ANKRD17: variants seen among roughly 807,000 people sequenced by gnomAD.
The protein encoded by ANKRD17 is ankyrin repeat domain-containing protein 17.
Under a neutral mutation model 229.7 loss-of-function variants are expected in ANKRD17, and 19 were observed. That is an observed-to-expected ratio of 0.08 (90% CI 0.06 to 0.12). The LOEUF is 0.12. Ranked by LOEUF, ANKRD17 falls within the 10% of genes least tolerant of loss-of-function variation. The pLI is 1.00. For missense variants in ANKRD17, 2,176 were observed against 3,176.8 expected (o/e 0.68, Z 7.57); for synonymous variants, 1,112 against 1,146.1 (o/e 0.97, Z 0.60).
intron 18 of ANKRD17, among the ~76,000 whole-genome samples, chr4:73,123,317 T>C (rs1483813642): frequency 6.6e-6 from 1 of 152,106 alleles, no homozygotes; most frequent in Admixed American, 6.5e-5. Context: ...TTACTTTTTC[T>C]GGAATAGTAG....
chr4:73,153,266 C>A (rs1578205571), intron 6 of ANKRD17, among the ~76,000 whole-genome samples: 2 of 151,692 alleles, frequency 1.3e-5, no homozygotes, highest in Non-Finnish European at 1.5e-5. Flanking sequence ...ACATAAAACA[C>A]AGAAATGAGT....
intron 24 of ANKRD17, among the ~76,000 whole-genome samples, chr4:73,106,681 C>T (rs1264488627): frequency 6.6e-6 from 1 of 151,976 alleles, no homozygotes; most frequent in African/African-American, 2.4e-5. Context: ...GAGATCAAGA[C>T]CATTCTGGCC....
At chr4:73,163,758 G>A (rs1434404730) in intron 2 of ANKRD17, among the ~76,000 whole-genome samples, 1 of 152,130 alleles carries the variant, frequency 6.6e-6, no homozygotes, top group Non-Finnish European at 1.5e-5. Context: ...GTTTCATACA[G>A]GTGGTTATTA....
intron 2 of ANKRD17, among the ~76,000 whole-genome samples, chr4:73,164,072 A>G: frequency 1.3e-5 from 2 of 152,338 alleles, no homozygotes; most frequent in East Asian, 3.9e-4. Context: ...AAGTCATACT[A>G]TATTCTGAAT....
intron 28 of ANKRD17, among the ~76,000 whole-genome samples, chr4:73,093,395 T>TTC (rs1372107885): frequency 1.3e-5 from 2 of 150,698 alleles, no homozygotes; most frequent in Admixed American, 6.6e-5. Flanking sequence ...TTTTTTTTTT[T>TTC]TGAGGGAGTT....
chr4:73,186,235 C>T (rs532604133), intron 1 of ANKRD17, among the ~76,000 whole-genome samples: 2 of 151,938 alleles, frequency 1.3e-5, no homozygotes, highest in East Asian at 1.9e-4. Context: ...AAAATTAATA[C>T]AATTCAAATA....
intron 1 of ANKRD17, among the ~76,000 whole-genome samples, chr4:73,195,706 A>T (rs531522898): frequency 4.4e-4 from 67 of 152,134 alleles, no homozygotes; most frequent in African/African-American, 1.3e-3. Context: ...AGGGGGTTTC[A>T]CCATGTTGGC....
At chr4:73,185,162 C>G (rs1736122986) in intron 1 of ANKRD17, among the ~76,000 whole-genome samples, 1 of 151,656 alleles carries the variant, frequency 6.6e-6, no homozygotes, top group African/African-American at 2.4e-5. Flanking sequence ...CATCCCCCAT[C>G]TGATGTTTTC....
At chr4:73,175,110 G>A (rs546860877) in intron 2 of ANKRD17, among the ~76,000 whole-genome samples, 81 of 152,180 alleles carry the variant, frequency 5.3e-4, no homozygotes, top group African/African-American at 1.7e-3. Flanking sequence ...ATAAATAACC[G>A]AGACAGGGTA....
intron 1 of ANKRD17, among the ~76,000 whole-genome samples, chr4:73,195,050 T>C (rs187194748): frequency 2.1e-4 from 32 of 152,310 alleles, no homozygotes; most frequent in Admixed American, 2.0e-3. Flanking sequence ...CTTATATTCC[T>C]AGTTTGCTAA....
intron 31 of ANKRD17, among the ~76,000 whole-genome samples, chr4:73,077,947 A>G (rs966080499): frequency 6.6e-6 from 1 of 152,230 alleles, no homozygotes; most frequent in African/African-American, 2.4e-5. Flanking sequence ...AGGAATACAG[A>G]TCTTTTAGAA....
chr4:73,239,705 A>T (rs1395255937), intron 1 of ANKRD17, among the ~76,000 whole-genome samples: 1 of 152,154 alleles, frequency 6.6e-6, no homozygotes, highest in East Asian at 1.9e-4. Flanking sequence ...TTAAATTTTC[A>T]GTTCACAGTT....
At position 73,155,779 on chromosome 4, in the gene ANKRD17, CTTA is replaced by C. The variant is rs1323349029; in HGVS notation, c.853-4_853-2del. The C allele has an allele frequency of 6.2e-7, 1 of 1,612,502 alleles. No homozygotes were observed. Among genetic ancestry groups the C allele is most frequent in the Non-Finnish European group, 8.5e-7 (1 of 1,179,346 alleles). On this transcript the variant is annotated splice_acceptor_variant and splice_polypyrimidine_tract_variant and intron_variant, in intron 4 of 33. Transcript: ENST00000358602. LOFTEE classifies it high-confidence loss of function. Reference sequence around the variant, plus strand: ...CATTTGCATGCATTGCCAACAAAACCTTATGAGAGAAAAATAGTTTAAAAAGAT... The same window carrying C: ...CATTTGCATGCATTGCCAACAAAACCTGAGAGAAAAATAGTTTAAAAAGAT...
Position 73,258,430 on chromosome 4 carries a change from C to T in ANKRD17, c.239G>A (p.Cys80Tyr), listed in dbSNP as rs368818756. The part of the protein sequence containing the change: ...QHHKAKRNRT[C>Y]RPPSSSESSS... ...GCTTTCGCTGCTGCTGGGGGGTCGGCAAGTCCGGTTACGCTTGGCCTTGTG... is the reference window on the plus strand; with the variant it reads ...GCTTTCGCTGCTGCTGGGGGGTCGGTAAGTCCGGTTACGCTTGGCCTTGTG... Residue 80 changes from cysteine (C) to tyrosine (Y), a missense_variant, in exon 1 of 34, where the codon TGC (cysteine) becomes TAC (tyrosine). Transcript: ENST00000358602. 1 of 1,610,428 alleles carries T rather than the reference C, an allele frequency of 6.2e-7. No homozygotes were observed. The highest frequency in any genetic ancestry group is 8.5e-7 in the Non-Finnish European group (1 of 1,179,238).
Position 73,076,218 on chromosome 4 carries a change from AAGCTG to A in ANKRD17, c.*8_*12del. The A allele has an allele frequency of 6.2e-7, 1 of 1,601,664 alleles. No individual in the cohort carries two copies. The highest frequency in any genetic ancestry group is 8.5e-7 in the Non-Finnish European group (1 of 1,175,478). ...AATGAAAAGGAATCTGCAGGCTAAC[AAGCTG>A]ATCCTCATCAGCCAAGCTGGTTCAT... On this transcript the variant is annotated 3_prime_UTR_variant, in exon 34 of 34. Transcript: ENST00000358602.
chr4:73,227,744 A>G (rs1346604123), intron 1 of ANKRD17, among the ~76,000 whole-genome samples: 1 of 152,170 alleles, frequency 6.6e-6, no homozygotes, highest in East Asian at 1.9e-4. Context: ...AATCTTCCAA[A>G]ATTGACAATT....
chr4:73,155,746 A>G lies in ANKRD17; in HGVS notation c.885T>C (p.Asp295=). The change falls in exon 5 of 34, where the codon GAT becomes GAC. Residue 295 remains aspartate (D), a synonymous_variant. Coordinates refer to ENST00000358602, the MANE Select transcript of ANKRD17 (RefSeq NM_032217.5). Reference sequence around the variant, plus strand: ...GTGTAATGTCACCTTTGATTCCCCTATCTTCCACATTTGCATGCATTGCCA... The same window carrying G: ...GTGTAATGTCACCTTTGATTCCCCTGTCTTCCACATTTGCATGCATTGCCA... ...VLLAMHANVE[D]RGIKGDITPL... is the part of the protein sequence containing the mutation. The G allele has an allele frequency of 1.2e-6, 2 of 1,614,130 alleles. No individual in the cohort carries two copies. The highest frequency in any genetic ancestry group is 1.7e-6 in the Non-Finnish European group (2 of 1,180,016).
At chr4:73,220,450 A>G (rs1222497454) in intron 1 of ANKRD17, among the ~76,000 whole-genome samples, 1 of 152,124 alleles carries the variant, frequency 6.6e-6, no homozygotes, top group Non-Finnish European at 1.5e-5. Flanking sequence ...TGTAAGTTGA[A>G]ATCCACCTTT....
At chr4:73,105,866 G>C (rs539791935) in intron 24 of ANKRD17, among the ~76,000 whole-genome samples, 1 of 152,164 alleles carries the variant, frequency 6.6e-6, no homozygotes, top group African/African-American at 2.4e-5. Context: ...TAGTGGGTAG[G>C]AGTTAGTAAA....
Sources: gnomAD v4.1 joint callset for allele counts (sites outside exome capture counted in the v4.1 genomes callset) on GRCh38, gnomAD v4.1.1 for gene constraint, MANE v1.5 for transcripts, NCBI Gene and HGNC (gene_info 2026-07-23, HGNC 2026-07-21) for gene names.